Variants in DLG2 observed in about 807,000 individuals in gnomAD.
DLG2 encodes the protein disks large homolog 2.
DLG2 carries 45 observed loss-of-function variants against 132.5 expected under a neutral mutation model. That is an observed-to-expected ratio of 0.34 (90% CI 0.27 to 0.44). The LOEUF is 0.44. DLG2 is among the 20% of genes least tolerant of loss of function. The pLI, the probability that DLG2 is intolerant of heterozygous loss-of-function variation, is 1.00. For missense variants in DLG2, 1,045 were observed against 1,196.9 expected (o/e 0.87, Z 1.87); for synonymous variants, 424 against 419.6 (o/e 1.01, Z -0.13).
intron 6 of DLG2, among the ~76,000 whole-genome samples, chr11:84,784,362 A>AATTAATTAATT (rs1555220705): frequency 4.3e-5 from 6 of 140,084 alleles, no homozygotes; most frequent in Non-Finnish European, 6.3e-5. Flanking sequence ...ATAAATAAAT[A>AATTAATTAATT]AATAAATTAA....
intron 16 of DLG2, among the ~76,000 whole-genome samples, chr11:83,855,510 C>T (rs1014253804): frequency 1.3e-5 from 2 of 151,916 alleles, no homozygotes; most frequent in African/African-American, 4.8e-5. Context: ...AATGAACTAC[C>T]GAGCCACAGA....
chr11:85,262,450 G>A (rs117250014), intron 4 of DLG2, among the ~76,000 whole-genome samples: 6,381 of 152,162 alleles, frequency 0.042, 173 homozygotes, highest in East Asian at 0.095. Flanking sequence ...GTTTATTGGA[G>A]GTCTGAAGAA....
At chr11:84,801,775 C>A (rs532359143) in intron 6 of DLG2, among the ~76,000 whole-genome samples, 3 of 152,212 alleles carry the variant, frequency 2.0e-5, no homozygotes, top group African/African-American at 7.2e-5. Context: ...CTTTAAACTA[C>A]ATTATAATGA....
At chr11:84,093,047 AAAAGAAAG>A (rs1051086523) in intron 10 of DLG2, among the ~76,000 whole-genome samples, 3 of 151,534 alleles carry the variant, frequency 2.0e-5, no homozygotes, top group African/African-American at 7.3e-5. Flanking sequence ...AAAAAAAAAA[AAAAGAAAG>A]AAAGAAAGAA....
At chr11:84,667,598 G>A (rs2099701273) in intron 6 of DLG2, among the ~76,000 whole-genome samples, 1 of 146,796 alleles carries the variant, frequency 6.8e-6, no homozygotes, top group African/African-American at 2.5e-5. Context: ...CTGGGTTCAA[G>A]CAATTCTCCT....
Position 84,923,434 on chromosome 11 carries a change from G to A in DLG2, c.357+188227C>T, listed in dbSNP as rs541234900. The A allele has an allele frequency of 1.7e-5, 15 of 867,368 alleles. No individual in the cohort carries two copies. The East Asian group carries it at 4.1e-4, about 24-fold the overall frequency. 53.7% of individuals were successfully genotyped at this position (867,368 alleles called of 1,614,324 possible). On this transcript the variant is annotated intron_variant, in intron 6 of 27. Coordinates refer to ENST00000376104, the MANE Select transcript of DLG2 (RefSeq NM_001142699.3). ...AAATCACTGGATTAAAAAAAAAAAAGAAGAAGAAGAAGGAGGGGGGAATGA... is the reference window on the plus strand; with the variant it reads ...AAATCACTGGATTAAAAAAAAAAAAAAAGAAGAAGAAGGAGGGGGGAATGA...
At chr11:84,126,949 G>T (rs564519116) in intron 9 of DLG2, among the ~76,000 whole-genome samples, 1 of 152,280 alleles carries the variant, frequency 6.6e-6, no homozygotes, top group South Asian at 2.1e-4. Flanking sequence ...GTCAGTGAGG[G>T]AACAAGGTAT....
intron 3 of DLG2, among the ~76,000 whole-genome samples, chr11:85,309,106 A>T (rs1025086342): frequency 2.0e-5 from 3 of 152,110 alleles, no homozygotes; most frequent in Non-Finnish European, 4.4e-5. Context: ...TTTACCACCA[A>T]CATAAAAAGG....
At chr11:84,359,852 T>C (rs1445144766) in intron 7 of DLG2, among the ~76,000 whole-genome samples, 1 of 151,966 alleles carries the variant, frequency 6.6e-6, no homozygotes, top group African/African-American at 2.4e-5. Context: ...TCCACAGTAA[T>C]ACACTTGGTT....
intron 6 of DLG2, among the ~76,000 whole-genome samples, chr11:84,988,082 A>T (rs1266715582): frequency 6.6e-6 from 1 of 151,934 alleles, no homozygotes; most frequent in Non-Finnish European, 1.5e-5. Context: ...AGAAAAAACA[A>T]ACATGAATAG....
At chr11:85,069,158 G>C (rs891292006) in intron 6 of DLG2, among the ~76,000 whole-genome samples, 1 of 150,988 alleles carries the variant, frequency 6.6e-6, no homozygotes. Context: ...AATTCAAGAT[G>C]GATTAAAGAC....
intron 3 of DLG2, among the ~76,000 whole-genome samples, chr11:85,416,995 G>A (rs2089920212): frequency 6.6e-6 from 1 of 152,178 alleles, no homozygotes; most frequent in African/African-American, 2.4e-5. Flanking sequence ...TAGGAGTGGT[G>A]AGAGAGGGCA....
At chr11:85,286,348 T>C (rs1415459886) in intron 3 of DLG2, among the ~76,000 whole-genome samples, 1 of 152,000 alleles carries the variant, frequency 6.6e-6, no homozygotes, top group African/African-American at 2.4e-5. Flanking sequence ...TAGATGAGAG[T>C]TGGAGACATG....
chr11:83,789,324 C>G (rs559374546), intron 17 of DLG2, among the ~76,000 whole-genome samples: 2 of 142,488 alleles, frequency 1.4e-5, no homozygotes, highest in Non-Finnish European at 3.0e-5. Flanking sequence ...ATAGCAATTT[C>G]CATTCTGTTT....
chr11:85,106,370 A>G (rs922279299), intron 6 of DLG2, among the ~76,000 whole-genome samples: 3 of 152,034 alleles, frequency 2.0e-5, no homozygotes, highest in African/African-American at 7.2e-5. Context: ...GGTTCCTGCC[A>G]GTCATAGAAC....
intron 3 of DLG2, among the ~76,000 whole-genome samples, chr11:85,345,925 T>A (rs1034110125): frequency 6.6e-6 from 1 of 151,974 alleles, no homozygotes; most frequent in Admixed American, 6.6e-5. Flanking sequence ...ATGAGATTCA[T>A]GGTGTTACAG....
At chr11:85,313,380 T>C (rs768194442) in intron 3 of DLG2, among the ~76,000 whole-genome samples, 9 of 152,038 alleles carry the variant, frequency 5.9e-5, no homozygotes, top group Non-Finnish European at 1.0e-4. Context: ...AAATAAATCC[T>C]TATTGTGTAT....
chr11:84,449,429 TA>T (rs1224968474), intron 7 of DLG2, among the ~76,000 whole-genome samples: 1 of 151,666 alleles, frequency 6.6e-6, no homozygotes, highest in Non-Finnish European at 1.5e-5. Flanking sequence ...CTCTCCAGCT[TA>T]AAAAATATAC....
At position 83,625,851 on chromosome 11, in the gene DLG2, A is replaced by G. The variant is rs1239375598; in HGVS notation, c.1940+7360T>C. On this transcript the variant is annotated intron_variant, in intron 19 of 27. Coordinates refer to ENST00000376104, the MANE Select transcript of DLG2 (RefSeq NM_001142699.3). Reference sequence around the variant, plus strand: ...CCCAGTAGCAGCAGGTAGAGCCTGCATCCTGAGGATGCAACCAGACTCGAT... The same window carrying G: ...CCCAGTAGCAGCAGGTAGAGCCTGCGTCCTGAGGATGCAACCAGACTCGAT... Among the ~76,000 whole-genome samples, 6 of 152,372 alleles carry G rather than the reference A, an allele frequency of 3.9e-5. No homozygotes were observed. The South Asian group carries it at 1.0e-3, about 26-fold the overall frequency.
Sources: gnomAD v4.1 joint callset for allele counts (sites outside exome capture counted in the v4.1 genomes callset) on GRCh38, gnomAD v4.1.1 for gene constraint, MANE v1.5 for transcripts, NCBI Gene and HGNC (gene_info 2026-07-23, HGNC 2026-07-21) for gene names.